FBXL17: variants seen among roughly 807,000 people sequenced by gnomAD.
The protein encoded by FBXL17 is F-box/LRR-repeat protein 17.
FBXL17 carries 22 observed loss-of-function variants against 66.2 expected under a neutral mutation model. That is an observed-to-expected ratio of 0.33 (90% CI 0.24 to 0.47). The LOEUF is 0.47. FBXL17 is among the 20% of genes least tolerant of loss of function. The pLI, the probability that FBXL17 is intolerant of heterozygous loss-of-function variation, is 1.00. For synonymous variants in FBXL17, 474 were observed against 400.5 expected, an observed-to-expected ratio of 1.18 and a Z score of -2.19; for missense variants, 878 against 948.2, an observed-to-expected ratio of 0.93 and a Z score of 0.97.
At chr5:108,284,515 A>G (rs1757821788) in intron 4 of FBXL17, among the ~76,000 whole-genome samples, 1 of 151,870 alleles carries the variant, frequency 6.6e-6, no homozygotes, top group South Asian at 2.1e-4. Flanking sequence ...TCATGGATGT[A>G]GAGTGTGGAA....
chr5:107,997,468 C>T (rs1308601794), intron 7 of FBXL17, among the ~76,000 whole-genome samples: 1 of 152,158 alleles, frequency 6.6e-6, no homozygotes, highest in African/African-American at 2.4e-5. Flanking sequence ...TGTCCAAGAC[C>T]CCTCCAGGCA....
intron 6 of FBXL17, among the ~76,000 whole-genome samples, chr5:108,101,005 C>T (rs1295084051): frequency 1.3e-5 from 2 of 152,126 alleles, no homozygotes; most frequent in African/African-American, 4.8e-5. Flanking sequence ...AGAGGGAAGA[C>T]CTTTTGAGGG....
chr5:108,343,088 G>A (rs1236492281), intron 4 of FBXL17, among the ~76,000 whole-genome samples: 1 of 152,204 alleles, frequency 6.6e-6, no homozygotes. Context: ...CTATAAACTA[G>A]AAAGCAAGCC....
At chr5:108,115,224 G>A (rs1750195339) in intron 6 of FBXL17, among the ~76,000 whole-genome samples, 1 of 152,028 alleles carries the variant, frequency 6.6e-6, no homozygotes, top group Non-Finnish European at 1.5e-5. Context: ...AGGAAAATCA[G>A]AATGTTCAAA....
intron 7 of FBXL17, among the ~76,000 whole-genome samples, chr5:107,921,831 C>T (rs1332368901): frequency 6.6e-6 from 1 of 152,180 alleles, no homozygotes; most frequent in Non-Finnish European, 1.5e-5. Context: ...TTACTGAATC[C>T]TGATTCCATT....
At chr5:108,311,366 T>G (rs1355028207) in intron 4 of FBXL17, among the ~76,000 whole-genome samples, 2 of 152,106 alleles carry the variant, frequency 1.3e-5, no homozygotes, top group East Asian at 3.9e-4. Context: ...GAGACAGGGT[T>G]CCACCATGTT....
intron 4 of FBXL17, among the ~76,000 whole-genome samples, chr5:108,272,205 G>A (rs528649662): frequency 6.6e-6 from 1 of 151,998 alleles, no homozygotes; most frequent in Non-Finnish European, 1.5e-5. Flanking sequence ...GCAGGAGAAT[G>A]GCATGAACCC....
chr5:108,259,673 G>A (rs1055429655), intron 4 of FBXL17, among the ~76,000 whole-genome samples: 2 of 152,026 alleles, frequency 1.3e-5, no homozygotes, highest in African/African-American at 4.8e-5. Context: ...TCAAAGATGT[G>A]ACAATATGAG....
intron 4 of FBXL17, among the ~76,000 whole-genome samples, chr5:108,280,210 T>G (rs1283668645): frequency 6.6e-6 from 1 of 151,986 alleles, no homozygotes; most frequent in Non-Finnish European, 1.5e-5. Flanking sequence ...CAGCAAATTC[T>G]GAAAACAGAA....
chr5:108,012,945 G>A (rs1270774770), intron 7 of FBXL17, among the ~76,000 whole-genome samples: 1 of 151,196 alleles, frequency 6.6e-6, no homozygotes, highest in Non-Finnish European at 1.5e-5. Context: ...AACCTGGGAG[G>A]CGGAGGTTGC....
intron 7 of FBXL17, among the ~76,000 whole-genome samples, chr5:107,986,944 T>G (rs921246729): frequency 1.3e-5 from 2 of 152,050 alleles, no homozygotes; most frequent in African/African-American, 4.8e-5. Context: ...TTTTCTAATT[T>G]TAATGCTACT....
intron 6 of FBXL17, among the ~76,000 whole-genome samples, chr5:108,055,755 CTT>C (rs1305302941): frequency 6.6e-6 from 1 of 151,194 alleles, no homozygotes; most frequent in Non-Finnish European, 1.5e-5. Flanking sequence ...TAAAAATTAT[CTT>C]TTGTTATTCT....
intron 7 of FBXL17, among the ~76,000 whole-genome samples, chr5:108,005,998 G>A (rs568165285): frequency 1.3e-5 from 2 of 152,214 alleles, no homozygotes; most frequent in South Asian, 2.1e-4. Flanking sequence ...GAAGCTGACC[G>A]CCTGACACTG....
rs140545347 is a variant in FBXL17 at position 107,980,935 on chromosome 5, C to T, written c.1822+39990G>A. On this transcript the variant is annotated intron_variant, in intron 7 of 8. Transcript: ENST00000542267. ...CTGGGATTACAGGCATGAGGCACCG[C>T]GCCCGGCCAAAATAATATTTTTTAA... Among the ~76,000 whole-genome samples the T allele has an allele frequency of 9.5e-3, 1,450 of 151,946 alleles. 22 individuals are homozygous for T. Among genetic ancestry groups the T allele is most frequent in the African/African-American group, 0.033 (1,383 of 41,396 alleles).
At chr5:108,254,952 C>T (rs555114192) in intron 4 of FBXL17, among the ~76,000 whole-genome samples, 38 of 152,264 alleles carry the variant, frequency 2.5e-4, no homozygotes, top group African/African-American at 8.7e-4. Flanking sequence ...AAAGTTATTG[C>T]TTTACATACG....
chr5:108,348,621 C>T, intron 3 of FBXL17, 91 bp from the exon 4 acceptor site: 1 of 1,338,862 alleles, frequency 7.5e-7, no homozygotes, highest in Non-Finnish European at 1.0e-6. Context: ...TGAAAATAAC[C>T]ACGTCAGAGT....
intron 6 of FBXL17, among the ~76,000 whole-genome samples, chr5:108,066,814 C>T (rs1353797060): frequency 6.6e-6 from 1 of 151,796 alleles, no homozygotes; most frequent in Non-Finnish European, 1.5e-5. Flanking sequence ...ATTCTCAATT[C>T]TTCGAAATAC....
At chr5:108,191,578 A>C (rs1042124848) in intron 5 of FBXL17, among the ~76,000 whole-genome samples, 6 of 152,252 alleles carry the variant, frequency 3.9e-5, no homozygotes, top group Non-Finnish European at 7.3e-5. Context: ...ATAACTTATC[A>C]AATTGCAGAT....
intron 8 of FBXL17, among the ~76,000 whole-genome samples, chr5:107,876,901 G>C (rs2112495234): frequency 6.6e-6 from 1 of 152,304 alleles, no homozygotes; most frequent in African/African-American, 2.4e-5. Flanking sequence ...TCTTATTAGA[G>C]TGTCCCGTTG....
Sources: allele counts gnomAD v4.1 joint callset (sites outside exome capture counted in the v4.1 genomes callset), GRCh38; gene constraint gnomAD v4.1.1; transcripts MANE v1.5; gene names NCBI Gene and HGNC (gene_info 2026-07-23, HGNC 2026-07-21).